Variants in COMMD1 observed in about 807,000 individuals in gnomAD.
COMMD1 encodes the protein copper metabolism domain containing 1.
Under a neutral mutation model 17.2 loss-of-function variants are expected in COMMD1, and 10 were observed. The observed-to-expected ratio is 0.58, with a 90% CI of 0.36 to 0.99. The LOEUF (loss-of-function observed/expected upper bound fraction) is 0.99, where lower values mean the gene tolerates loss of function less well. Ranked by LOEUF, COMMD1 falls within the 50% of genes least tolerant of loss-of-function variation. COMMD1 has a pLI of 0.01. For missense variants in COMMD1, 270 were observed against 231.8 expected (o/e 1.17, Z -1.07); for synonymous variants, 97 against 91.6 (o/e 1.06, Z -0.34).
chr2:62,014,182 G>T (rs148802134), intron 2 of COMMD1, among the ~76,000 whole-genome samples: 1 of 152,288 alleles, frequency 6.6e-6, no homozygotes, highest in East Asian at 1.9e-4. Context: ...TTGCCAGCAC[G>T]CAGCCCCTGG....
intron 2 of COMMD1, among the ~76,000 whole-genome samples, chr2:62,085,998 C>CA (rs1346302399): frequency 1.3e-5 from 2 of 148,654 alleles, no homozygotes; most frequent in African/African-American, 5.0e-5. Context: ...AAAACAAAAA[C>CA]AAAAAAATTT....
At chr2:61,963,672 T>C (rs1448079166) in intron 1 of COMMD1, among the ~76,000 whole-genome samples, 1 of 152,154 alleles carries the variant, frequency 6.6e-6, no homozygotes, top group Admixed American at 6.5e-5. Flanking sequence ...TGAAGGTGGC[T>C]TGGGAACCCT....
intron 1 of COMMD1, among the ~76,000 whole-genome samples, chr2:61,908,687 G>A (rs980213474): frequency 1.3e-5 from 2 of 152,000 alleles, no homozygotes; most frequent in African/African-American, 4.8e-5. Flanking sequence ...AGCCTCCCGA[G>A]TGGCTGGGAT....
chr2:61,947,716 CT>C (rs543333587), intron 1 of COMMD1, among the ~76,000 whole-genome samples: 1,829 of 132,202 alleles, frequency 0.014, 27 homozygotes, highest in East Asian at 0.065. Context: ...TTTTTTTGTA[CT>C]TTTTTTTTTT....
chr2:61,991,214 A>G (rs1161680432), intron 1 of COMMD1, among the ~76,000 whole-genome samples: 1 of 152,170 alleles, frequency 6.6e-6, no homozygotes, highest in Non-Finnish European at 1.5e-5. Context: ...TTGCTAGGCT[A>G]GATTAGGCAA....
intron 2 of COMMD1, among the ~76,000 whole-genome samples, chr2:62,132,345 C>G (rs1673062114): frequency 6.6e-6 from 1 of 152,176 alleles, no homozygotes; most frequent in Admixed American, 6.5e-5. Context: ...TTTAAACATG[C>G]CTTACTCAGT....
At chr2:62,059,753 CT>C (rs1180563162) in intron 2 of COMMD1, among the ~76,000 whole-genome samples, 1 of 152,180 alleles carries the variant, frequency 6.6e-6, no homozygotes. Flanking sequence ...CATCAAATGT[CT>C]TTTTCCAACT....
At chr2:62,111,208 T>C (rs1337761789) in intron 2 of COMMD1, among the ~76,000 whole-genome samples, 1 of 152,192 alleles carries the variant, frequency 6.6e-6, no homozygotes, top group East Asian at 1.9e-4. Flanking sequence ...TCCTGAGCCT[T>C]GTAAAGGTGG....
intron 1 of COMMD1, among the ~76,000 whole-genome samples, chr2:61,959,009 A>G (rs1671270551): frequency 6.6e-6 from 1 of 152,048 alleles, no homozygotes; most frequent in African/African-American, 2.4e-5. Context: ...TTCCATGCAG[A>G]TTTTTTACTT....
At chr2:61,909,433 G>A (rs1001184425) in intron 1 of COMMD1, among the ~76,000 whole-genome samples, 2 of 152,096 alleles carry the variant, frequency 1.3e-5, no homozygotes, top group Non-Finnish European at 2.9e-5. Context: ...AGAAAGTATA[G>A]CATATTTTAG....
At chr2:61,993,159 A>G (rs989522480) in intron 1 of COMMD1, among the ~76,000 whole-genome samples, 4 of 152,206 alleles carry the variant, frequency 2.6e-5, no homozygotes, top group Non-Finnish European at 4.4e-5. Flanking sequence ...TATATTATAG[A>G]TAGATCACTT....
At chr2:61,959,396 G>C (rs1167797265) in intron 1 of COMMD1, among the ~76,000 whole-genome samples, 1 of 152,004 alleles carries the variant, frequency 6.6e-6, no homozygotes, top group Non-Finnish European at 1.5e-5. Flanking sequence ...TTTATTTTTA[G>C]GAAATAATAC....
chr2:62,009,208 G>A (rs930817008), intron 2 of COMMD1, among the ~76,000 whole-genome samples: 7 of 152,144 alleles, frequency 4.6e-5, no homozygotes, highest in African/African-American at 9.7e-5. Context: ...GCTCTAAGAA[G>A]TGTTCCATAA....
intron 2 of COMMD1, among the ~76,000 whole-genome samples, chr2:62,092,324 G>C (rs186558380): frequency 6.6e-6 from 1 of 152,228 alleles, no homozygotes; most frequent in African/African-American, 2.4e-5. Context: ...GTTATTTGAG[G>C]GTTCATGAGG....
At chr2:62,101,182 T>G (rs1423389048) in intron 2 of COMMD1, among the ~76,000 whole-genome samples, 6 of 152,114 alleles carry the variant, frequency 3.9e-5, no homozygotes, top group Non-Finnish European at 5.9e-5. Flanking sequence ...AGTATAGGTT[T>G]TTTCTCCCCT....
intron 2 of COMMD1, among the ~76,000 whole-genome samples, chr2:62,081,712 A>G (rs1163786755): frequency 1.3e-5 from 2 of 152,102 alleles, no homozygotes; most frequent in African/African-American, 4.8e-5. Context: ...CGGATGATTT[A>G]TGATTTCCTT....
chr2:61,901,320 C>G (rs1669651181), upstream of COMMD1, among the ~76,000 whole-genome samples: 1 of 151,920 alleles, frequency 6.6e-6, no homozygotes, highest in African/African-American at 2.4e-5. Context: ...TCCTTTAAAG[C>G]TTTCATTGAA....
At chr2:62,036,010 C>G (rs1018729578) in intron 2 of COMMD1, among the ~76,000 whole-genome samples, 1 of 151,788 alleles carries the variant, frequency 6.6e-6, no homozygotes, top group Non-Finnish European at 1.5e-5. Flanking sequence ...GTCAAGATTA[C>G]TCCATTGTAC....
chr2:61,995,717 C>T (rs1260920590), intron 1 of COMMD1, among the ~76,000 whole-genome samples: 1 of 152,150 alleles, frequency 6.6e-6, no homozygotes, highest in Non-Finnish European at 1.5e-5. Flanking sequence ...AGGCTTTGGC[C>T]CTGCACTTAT....
Sources: gnomAD v4.1 joint callset for allele counts (sites outside exome capture counted in the v4.1 genomes callset) on GRCh38, gnomAD v4.1.1 for gene constraint, MANE v1.5 for transcripts, NCBI Gene and HGNC (gene_info 2026-07-23, HGNC 2026-07-21) for gene names.